Variants in MCUR1 observed in about 807,000 individuals in gnomAD.
MCUR1 encodes mitochondrial calcium uniporter regulator 1.
MCUR1 carries 37 observed loss-of-function variants against 42.0 expected under a neutral mutation model. The observed-to-expected ratio is 0.88, with a 90% CI of 0.68 to 1.16. The LOEUF (loss-of-function observed/expected upper bound fraction) is 1.16. Ranked by LOEUF, MCUR1 falls within the 50% of genes most tolerant of loss-of-function variation. The pLI, the probability that MCUR1 is intolerant of heterozygous loss-of-function variation, is 0.00. For synonymous variants in MCUR1, 229 were observed against 196.2 expected, an observed-to-expected ratio of 1.17 and a Z score of -1.40; for missense variants, 469 against 468.4, an observed-to-expected ratio of 1.00 and a Z score of -0.01.
rs1759626171 is a variant in MCUR1 at position 13,787,343 on chromosome 6, G to A, written c.*3466C>T. On this transcript the variant is annotated 3_prime_UTR_variant, in exon 9 of 9. Transcript: ENST00000379170. Reference sequence around the variant, plus strand: ...GGTTTGAGTCAAGCCTTTCAACCGAGGTGCTTGGCATACTTAACGGAAAAA... The same window carrying A: ...GGTTTGAGTCAAGCCTTTCAACCGAAGTGCTTGGCATACTTAACGGAAAAA... 6.6e-6 allele frequency: 1 copy of A among 152,150 alleles called. No homozygotes were observed. Among genetic ancestry groups the A allele is most frequent in the Admixed American group, 6.6e-5 (1 of 15,266 alleles). The allele number at this position is 152,150 out of a possible 1,614,324, so 9.4% of individuals were successfully genotyped here. A position where few individuals can be genotyped will look rare whatever the true frequency, so the allele number is the denominator to read the frequency against.
At chr6:13,800,216 T>G in intron 5 of MCUR1, 125 bp downstream of exon 5, 1 of 642,104 alleles carries the variant, frequency 1.6e-6, no homozygotes, top group East Asian at 2.9e-5. Context: ...TGTGTACTTT[T>G]GAGGCATATT....
rs1456573518 is a variant in MCUR1 at position 13,814,359 on chromosome 6, G to A, written c.71C>T (p.Pro24Leu). The A allele has an allele frequency of 2.6e-6, 4 of 1,524,992 alleles. No homozygotes were observed. Among genetic ancestry groups the A allele is most frequent in the Admixed American group, 2.0e-5 (1 of 50,314 alleles). 94.5% of individuals were successfully genotyped at this position (1,524,992 alleles called of 1,614,324 possible). A position where few individuals can be genotyped will look rare whatever the true frequency, so the allele number is the denominator to read the frequency against. ...LPGRQRLLFL[P>L]VGLSGRPGGS... ...GCCCGGTCTTCCGCTGAGGCCCACG[G>A]GCAAGAAGAGAAGCCGCTGGCGGCC... The change falls in exon 1 of 9, where the codon CCC becomes CTC. Residue 24 changes from proline (P) to leucine (L), a missense_variant. Physicochemically the swap from Pro to Leu is moderately conservative, Grantham distance 98. Transcript: ENST00000379170.
intron 6 of MCUR1, among the ~76,000 whole-genome samples, chr6:13,797,334 AAT>A (rs1277262117): frequency 2.6e-5 from 4 of 152,190 alleles, no homozygotes; most frequent in African/African-American, 9.7e-5. Context: ...ACCAAATTCA[AAT>A]AAAGTCTGAG....
chr6:13,810,692 C>T (rs1584991355), intron 1 of MCUR1, among the ~76,000 whole-genome samples: 1 of 152,230 alleles, frequency 6.6e-6, no homozygotes, highest in Admixed American at 6.5e-5. Flanking sequence ...TTGTTCCCAG[C>T]CTACTCACAG....
intron 6 of MCUR1, among the ~76,000 whole-genome samples, chr6:13,794,815 G>T (rs933912657): frequency 1.3e-5 from 2 of 151,992 alleles, no homozygotes; most frequent in African/African-American, 4.8e-5. Flanking sequence ...AACCCACTTG[G>T]GCGTAGCCAT....
At chr6:13,799,827 CTTTTTTTTTTT>C (rs542304036) in intron 5 of MCUR1, among the ~76,000 whole-genome samples, 2,468 of 96,266 alleles carry the variant, frequency 0.026, 89 homozygotes, top group African/African-American at 0.088. Flanking sequence ...ACACAATTTT[CTTTTTTTTTTT>C]TTTTTTTTTT....
chr6:13,791,980 C>G lies in MCUR1; in HGVS notation c.922G>C (p.Asp308His), dbSNP rs1442073688. 7 of 1,613,770 alleles carry G rather than the reference C, an allele frequency of 4.3e-6. No individual in the cohort carries two copies. The highest frequency in any genetic ancestry group is 5.1e-6 in the Non-Finnish European group (6 of 1,179,850). The stretch of plus-strand genomic sequence containing the variant: ...CTGTCTGTCTGGGTAAGGGCCCGAT[C>G]TTGCTGGGCATGCTTTTAAAATGAA... ...TEIVALHAQQ[D>H]RALTQTDRKI... is the part of the protein sequence containing the mutation. The change falls in exon 8 of 9, where the codon GAT becomes CAT. Residue 308 changes from aspartate (D) to histidine (H), a missense_variant. Physicochemically the swap from Asp to His is moderately conservative, Grantham distance 81. Transcript: ENST00000379170.
At chr6:13,793,968 G>A (rs772643810) in intron 6 of MCUR1, 21 bp from the exon 7 acceptor site, 3 of 1,611,472 alleles carry the variant, frequency 1.9e-6, no homozygotes, top group East Asian at 2.2e-5. Flanking sequence ...CACGTAACAT[G>A]GGTCAGATTC....
chr6:13,814,048 C>G lies in MCUR1; in HGVS notation c.382G>C (p.Gly128Arg). The G allele has an allele frequency of 2.4e-6, 3 of 1,237,460 alleles. No homozygotes were observed. Among genetic ancestry groups the G allele is most frequent in the Non-Finnish European group, 3.0e-6 (3 of 991,720 alleles). The allele number at this position is 1,237,460 out of a possible 1,614,324, so 76.7% of individuals were successfully genotyped here. A position where few individuals can be genotyped will look rare whatever the true frequency, so the allele number is the denominator to read the frequency against. Residue 128 changes from glycine to arginine, a missense_variant, in exon 1 of 9, where the codon GGC (glycine) becomes CGC (arginine). Transcript: ENST00000379170. ...AAAGALPQYH[G>R]PAPALVSCRR... is the part of the protein sequence containing the mutation. ...CAGGAAACGAGTGCAGGCGCCGGGC[C>G]GTGGTACTGGGGAAGGGCGCCGGCG...
intron 5 of MCUR1, 120 bp from the exon 6 acceptor site, chr6:13,799,024 G>C (rs964142201): frequency 1.6e-6 from 1 of 628,692 alleles, no homozygotes. Context: ...GCAACCCAGG[G>C]AGGGAGAGAG....
At chr6:13,792,972 A>T (rs1759764838) in intron 7 of MCUR1, among the ~76,000 whole-genome samples, 1 of 151,970 alleles carries the variant, frequency 6.6e-6, no homozygotes, top group Admixed American at 6.6e-5. Context: ...CTTTCTTAAT[A>T]AAACTTCCGT....
At chr6:13,800,113 G>A (rs1346295889) in intron 5 of MCUR1, among the ~76,000 whole-genome samples, 3 of 151,962 alleles carry the variant, frequency 2.0e-5, no homozygotes, top group Non-Finnish European at 1.5e-5. Flanking sequence ...TTACAGGCAT[G>A]AGCCACCATG....
intron 1 of MCUR1, among the ~76,000 whole-genome samples, chr6:13,812,095 T>C (rs1186689830): frequency 6.6e-6 from 1 of 152,132 alleles, no homozygotes; most frequent in Non-Finnish European, 1.5e-5. Context: ...CCAACTGAGC[T>C]GTGTCAACGT....
Position 13,794,098 on chromosome 6 carries a change from T to C in MCUR1, c.856-151A>G. On this transcript the variant is annotated intron_variant, in intron 6 of 8. Transcript: ENST00000379170. ...ATTAAGTAGCCTACCTGCTTCTTTA[T>C]ATGTGTTACTTGAGGTTTCTTTTTT... 7.9e-6 allele frequency: 5 copies of C among 632,660 alleles called. No individual in the cohort carries two copies. In the South Asian group the frequency reaches 1.0e-4, roughly 13 times the overall value. 39.2% of individuals were successfully genotyped at this position (632,660 alleles called of 1,614,324 possible).
chr6:13,797,433 G>A (rs148179148), intron 6 of MCUR1, among the ~76,000 whole-genome samples: 325 of 152,320 alleles, frequency 2.1e-3, no homozygotes, highest in African/African-American at 7.5e-3. Flanking sequence ...CTTAGGCCGG[G>A]CGCGGTGGCT....
intron 2 of MCUR1, among the ~76,000 whole-genome samples, chr6:13,803,281 G>C (rs1030037219): frequency 6.6e-6 from 1 of 152,184 alleles, no homozygotes; most frequent in Non-Finnish European, 1.5e-5. Flanking sequence ...GGCTGTTCTC[G>C]AACTCCCGAC....
At position 13,787,180 on chromosome 6, in the gene MCUR1, T is replaced by C. The variant is rs1387802783; in HGVS notation, c.*3629A>G. The C allele has an allele frequency of 6.6e-6, 1 of 152,154 alleles. No homozygotes were observed. 9.4% of individuals were successfully genotyped at this position (152,154 alleles called of 1,614,324 possible). A position where few individuals can be genotyped will look rare whatever the true frequency, so the allele number is the denominator to read the frequency against. ...GAGAAGGCTAGAAGAGGGAAGATTA[T>C]GTCACTAAGCATAGCTACAAAAGGA... On this transcript the variant is annotated 3_prime_UTR_variant, in exon 9 of 9. Coordinates refer to ENST00000379170, the MANE Select transcript of MCUR1 (RefSeq NM_001031713.4).
intron 6 of MCUR1, among the ~76,000 whole-genome samples, chr6:13,797,616 G>A (rs1029507293): frequency 5.3e-5 from 8 of 152,098 alleles, no homozygotes; most frequent in South Asian, 2.1e-4. Context: ...GCTGAGGCAG[G>A]AGAATGACGT....
intron 3 of MCUR1, among the ~76,000 whole-genome samples, chr6:13,801,729 A>C (rs192575948): frequency 1.2e-4 from 18 of 152,276 alleles, no homozygotes; most frequent in African/African-American, 4.3e-4. Flanking sequence ...GCACGGCTGT[A>C]GTCCCAGCTA....
Sources: allele counts gnomAD v4.1 joint callset (sites outside exome capture counted in the v4.1 genomes callset), GRCh38; gene constraint gnomAD v4.1.1; transcripts MANE v1.5; gene names NCBI Gene and HGNC (gene_info 2026-07-23, HGNC 2026-07-21).